Variants in DBT observed in about 807,000 individuals in gnomAD.
DBT encodes the protein dihydrolipoamide branched chain transacylase E2.
Under a neutral mutation model 51.3 loss-of-function variants are expected in DBT, and 40 were observed. The ratio of observed to expected loss-of-function variants is 0.78; its 90% confidence interval spans 0.61 to 1.02. The LOEUF is 1.02. DBT is among the 50% of genes least tolerant of loss of function. The probability of loss-of-function intolerance (pLI) is 0.00; values close to 1 mark genes in which losing one functional copy is unlikely to be tolerated. For synonymous variants in DBT, 181 were observed against 190.4 expected (o/e 0.95, Z 0.41); for missense variants, 510 against 580.2 (o/e 0.88, Z 1.24).
intron 1 of DBT, among the ~76,000 whole-genome samples, chr1:100,241,969 C>T (rs372008423): frequency 5.9e-5 from 9 of 151,538 alleles, no homozygotes; most frequent in African/African-American, 1.9e-4. Context: ...TGCAGTGAGC[C>T]GGGATCGAGC....
chr1:100,233,539 T>C (rs1171617025), intron 3 of DBT, among the ~76,000 whole-genome samples: 1 of 152,226 alleles, frequency 6.6e-6, no homozygotes, highest in African/African-American at 2.4e-5. Flanking sequence ...AAGTTATTTA[T>C]GGATAGTTTG....
chr1:100,210,838 A>G (rs2100788725), intron 7 of DBT, 67 bp from the exon 8 acceptor site: 13 of 1,595,298 alleles, frequency 8.1e-6, no homozygotes, highest in South Asian at 1.1e-5. Context: ...ATTTGAAACA[A>G]TAAGAGGTAT....
At chr1:100,221,383 C>T (rs1662849724) in intron 4 of DBT, among the ~76,000 whole-genome samples, 1 of 152,136 alleles carries the variant, frequency 6.6e-6, no homozygotes, top group African/African-American at 2.4e-5. Context: ...CAGTGTTTCA[C>T]TACGTTGCCC....
intron 3 of DBT, among the ~76,000 whole-genome samples, chr1:100,233,964 A>G (rs1031083992): frequency 2.6e-5 from 4 of 152,250 alleles, no homozygotes; most frequent in African/African-American, 9.6e-5. Flanking sequence ...GCTAAATTGT[A>G]GGAGCTAAGA....
intron 2 of DBT, among the ~76,000 whole-genome samples, chr1:100,236,704 G>A (rs1053219803): frequency 3.9e-5 from 6 of 151,992 alleles, no homozygotes; most frequent in Admixed American, 3.3e-4. Flanking sequence ...AATTCCACTT[G>A]CTAAAAAATG....
intron 3 of DBT, among the ~76,000 whole-genome samples, chr1:100,233,203 G>GA (rs370224048): frequency 2.1e-4 from 32 of 149,412 alleles, no homozygotes; most frequent in African/African-American, 5.2e-4. Context: ...TCAAAAAAAG[G>GA]AAAAAAAAAG....
chr1:100,206,323 AGGAGAGTATT>A, intron 9 of DBT, 22 bp from the exon 10 acceptor site: 1 of 1,568,686 alleles, frequency 6.4e-7, no homozygotes, highest in Non-Finnish European at 8.7e-7. Context: ...AAAAAAAAAA[AGGAGAGTATT>A]AAAAGTTAAG....
chr1:100,248,829 C>T (rs1177016331), intron 1 of DBT, among the ~76,000 whole-genome samples: 4 of 145,396 alleles, frequency 2.8e-5, no homozygotes. Context: ...CTCCTCTGAC[C>T]CCCAAGTCCA....
chr1:100,241,844 C>T (rs1348550872), intron 1 of DBT, among the ~76,000 whole-genome samples: 3 of 152,104 alleles, frequency 2.0e-5, no homozygotes, highest in African/African-American at 7.2e-5. Context: ...TATGGTGAAA[C>T]CCTGTCTCTA....
intron 10 of DBT, among the ~76,000 whole-genome samples, chr1:100,199,920 C>T (rs182557543): frequency 2.6e-5 from 4 of 152,158 alleles, no homozygotes; most frequent in Non-Finnish European, 5.9e-5. Flanking sequence ...GATATTCCCT[C>T]GGATGCCTAC....
chr1:100,212,431 G>A (rs778689184), intron 7 of DBT, among the ~76,000 whole-genome samples: 13 of 152,060 alleles, frequency 8.5e-5, no homozygotes, highest in African/African-American at 1.2e-4. Context: ...CCAGCTTCTC[G>A]GGAGGCTGAG....
In DBT at chr1:100,193,265, TAAGTGAGG is replaced by T. The variant is rs962597737; in HGVS notation, c.*2982_*2989del. On this transcript the variant is annotated 3_prime_UTR_variant, in exon 11 of 11. Coordinates refer to ENST00000370132, the MANE Select transcript of DBT (RefSeq NM_001918.5). Reference sequence around the variant, plus strand: ...CCCTTCTCCTGGTTTTTCTATTCTTTAAGTGAGGAGGACATTTTTATTGATCATGTCAT... The same window carrying T: ...CCCTTCTCCTGGTTTTTCTATTCTTTAGGACATTTTTATTGATCATGTCAT... 6.6e-6 allele frequency: 1 copy of T among 152,238 alleles called. No homozygotes were observed. The highest frequency in any genetic ancestry group is 2.4e-5 in the African/African-American group (1 of 41,470). 9.4% of individuals were successfully genotyped at this position (152,238 alleles called of 1,614,324 possible).
At chr1:100,197,625 T>C (rs1218140125) in intron 10 of DBT, among the ~76,000 whole-genome samples, 1 of 152,026 alleles carries the variant, frequency 6.6e-6, no homozygotes, top group Non-Finnish European at 1.5e-5. Flanking sequence ...GTGCAGAGAT[T>C]AGGAACATTA....
rs772394141 is a variant in DBT, at chr1:100,214,814, C to A, written c.939+3G>T. The A allele has an allele frequency of 2.4e-5, 39 of 1,613,698 alleles. No individual in the cohort carries two copies. Among genetic ancestry groups the A allele is most frequent in the Non-Finnish European group, 3.1e-5 (37 of 1,179,748 alleles). ...AGCCTTGTTTGAAATGAATGAATCT[C>A]ACCTTTAAGAAGAAAGGCATAAAGG... On this transcript the variant is annotated splice_donor_region_variant and intron_variant, in intron 7 of 10. Transcript: ENST00000370132.
rs773873766 is a variant in DBT, at chr1:100,193,598, CATTT to C, written c.*2653_*2656del. On this transcript the variant is annotated 3_prime_UTR_variant, in exon 11 of 11. Transcript: ENST00000370132. The stretch of plus-strand genomic sequence containing the variant: ...TGCATACAATGGAATACTATGCAGA[CATTT>C]ATTTATTTATTTATTTATTTAGAGA... 61 of 151,976 alleles carry C rather than the reference CATTT, an allele frequency of 4.0e-4. No individual in the cohort carries two copies. In the South Asian group the frequency reaches 5.0e-3, roughly 12 times the overall value. 9.4% of individuals were successfully genotyped at this position (151,976 alleles called of 1,614,324 possible).
At position 100,195,198 on chromosome 1, in the gene DBT, T is replaced by A. The variant is rs1181454957; in HGVS notation, c.*1057A>T. On this transcript the variant is annotated 3_prime_UTR_variant, in exon 11 of 11. Coordinates refer to ENST00000370132, the MANE Select transcript of DBT (RefSeq NM_001918.5). Reference sequence around the variant, plus strand: ...GGAAGTAGACTTCTCAAATTTTTTTTAAAAAAAGAAATGTCAGTGGCTGCT... The same window carrying A: ...GGAAGTAGACTTCTCAAATTTTTTTAAAAAAAAGAAATGTCAGTGGCTGCT... 2.0e-5 allele frequency: 3 copies of A among 152,664 alleles called. No homozygotes were observed. The highest frequency in any genetic ancestry group is 1.9e-4 in the East Asian group (1 of 5,186). The allele number at this position is 152,664 out of a possible 1,614,324, so 9.5% of individuals were successfully genotyped here.
At chr1:100,229,850 G>A (rs1018442792) in intron 4 of DBT, among the ~76,000 whole-genome samples, 2 of 152,220 alleles carry the variant, frequency 1.3e-5, no homozygotes, top group African/African-American at 4.8e-5. Context: ...CACTGGGACT[G>A]CCAACTGTTT....
intron 4 of DBT, among the ~76,000 whole-genome samples, chr1:100,220,640 A>C (rs959555209): frequency 4.6e-5 from 7 of 152,230 alleles, no homozygotes; most frequent in African/African-American, 1.7e-4. Flanking sequence ...CTTACTTTTC[A>C]TTACAACTGT....
chr1:100,196,393 T>A lies in DBT; in HGVS notation c.1311A>T (p.Glu437Asp), dbSNP rs1401011715. Residue 437 changes from glutamate to aspartate, a missense_variant, in exon 11 of 11, where the codon GAA becomes GAT. By Grantham distance (45) the Glu-to-Asp change is conservative. Coordinates refer to ENST00000370132, the MANE Select transcript of DBT (RefSeq NM_001918.5). ...CATTCATTATCTGTGCCTTATATAC[T>A]TCTCCTTTCTGGTTAAATCGGGGAA... ...KAIPRFNQKG[E>D]VYKAQIMNVS... is the part of the protein sequence containing the mutation. 2.5e-6 allele frequency: 4 copies of A among 1,598,176 alleles called. No homozygotes were observed. The highest frequency in any genetic ancestry group is 3.4e-6 in the Non-Finnish European group (4 of 1,175,522).
Sources: gnomAD v4.1 joint callset for allele counts (sites outside exome capture counted in the v4.1 genomes callset) on GRCh38, gnomAD v4.1.1 for gene constraint, MANE v1.5 for transcripts, NCBI Gene and HGNC (gene_info 2026-07-23, HGNC 2026-07-21) for gene names.